ATP4B: variants seen among roughly 807,000 people sequenced by gnomAD.
The protein encoded by ATP4B is potassium-transporting ATPase subunit beta.
In ATP4B, 27 loss-of-function variants were observed where a neutral mutation model predicts 35.3. The ratio of observed to expected loss-of-function variants is 0.76; its 90% CI spans 0.56 to 1.05. The LOEUF (loss-of-function observed/expected upper bound fraction) is 1.05, where lower values mean the gene tolerates loss of function less well. ATP4B is among the 50% of genes least tolerant of loss of function. The pLI is 0.00. For synonymous variants in ATP4B, 162 were observed against 156.0 expected, an observed-to-expected ratio of 1.04 and a Z score of -0.29; for missense variants, 375 against 384.8, an observed-to-expected ratio of 0.97 and a Z score of 0.21.
At chr13:113,657,142 C>A (rs2049761183) in intron 1 of ATP4B, among the ~76,000 whole-genome samples, 2 of 152,142 alleles carry the variant, frequency 1.3e-5, no homozygotes. Flanking sequence ...GCATTCCCAG[C>A]ACGTCTCAGC....
At chr13:113,653,186 G>C in intron 3 of ATP4B, 114 bp from the exon 4 acceptor site, 1 of 1,416,476 alleles carries the variant, frequency 7.1e-7, no homozygotes, top group South Asian at 1.3e-5. Context: ...AGAAAAGGCC[G>C]AAGCTGTGGA....
chr13:113,651,107 G>GA (rs1263335788), intron 5 of ATP4B, among the ~76,000 whole-genome samples: 1 of 151,920 alleles, frequency 6.6e-6, no homozygotes, highest in Non-Finnish European at 1.5e-5. Context: ...ACCCTAGTGG[G>GA]AAGGCTCCAC....
At position 113,658,182 on chromosome 13, in the gene ATP4B, C is replaced by T. The variant is rs1225177644; in HGVS notation, c.-38G>A. ...GAGATCCTCCCGTCTGCTCCCTGCA[C>T]CCTCTACGCCCAGACTGAGGCCAGA... is the stretch of plus-strand genomic sequence containing the variant. On this transcript the variant is annotated 5_prime_UTR_variant, in exon 1 of 7. In the 5' UTR this introduces an upstream ATG that the reference lacks. Coordinates refer to ENST00000335288, the MANE Select transcript of ATP4B (RefSeq NM_000705.4). 8.3e-6 allele frequency: 13 copies of T among 1,572,906 alleles called. No homozygotes were observed. The highest frequency in any genetic ancestry group is 1.1e-5 in the Non-Finnish European group (13 of 1,154,252).
intron 2 of ATP4B, 71 bp downstream of exon 2, chr13:113,654,743 G>C: frequency 1.3e-6 from 2 of 1,545,152 alleles, no homozygotes; most frequent in South Asian, 1.2e-5. Context: ...GGTCCCCCGG[G>C]CGTCTCCAGA....
chr13:113,652,577 G>T (rs1236776712), intron 4 of ATP4B: 4 of 465,070 alleles, frequency 8.6e-6, no homozygotes, highest in Non-Finnish European at 1.2e-5. Context: ...CCTGGCCCTG[G>T]CATCTCTGGC....
Position 113,649,853 on chromosome 13 carries a change from T to A in ATP4B, c.715-318A>T, listed in dbSNP as rs1290116746. On this transcript the variant is annotated intron_variant, in intron 6 of 6. Coordinates refer to ENST00000335288, the MANE Select transcript of ATP4B (RefSeq NM_000705.4). This position sits in a 1 kb window ranked among gnomAD's most constrained non-coding sequence, Gnocchi z 4.7. Reference sequence around the variant, plus strand: ...TCTTCGAAGTGGATATGCAGTTGTTTTAGAGGATCTGGGAAGTAGAAAAAT... The same window carrying A: ...TCTTCGAAGTGGATATGCAGTTGTTATAGAGGATCTGGGAAGTAGAAAAAT... 3.3e-5 allele frequency among the ~76,000 whole-genome samples: 5 copies of A among 152,150 alleles called. No individual in the cohort carries two copies. The highest frequency in any genetic ancestry group is 4.8e-5 in the African/African-American group (2 of 41,438).
rs776675253 is a variant in ATP4B at position 113,652,933 on chromosome 13, C to T, written c.495G>A (p.Leu165=). ...CTTCAAAGCCGAAGTTGGGATCCGC[C>T]AGGCCTGAGCAGTTCTGCAGCATAT... ...TADMLQNCSG[L]ADPNFGFEEG... Residue 165 remains leucine (L), a synonymous_variant, in exon 4 of 7, where the codon CTG becomes CTA. Coordinates refer to ENST00000335288, the MANE Select transcript of ATP4B (RefSeq NM_000705.4). 1.2e-6 allele frequency: 2 copies of T among 1,614,222 alleles called. No homozygotes were observed. Among genetic ancestry groups the T allele is most frequent in the Admixed American group, 1.7e-5 (1 of 60,034 alleles).
intron 2 of ATP4B, 74 bp downstream of exon 2, chr13:113,654,740 C>G (rs916355058): frequency 2.0e-6 from 3 of 1,534,358 alleles, no homozygotes; most frequent in Non-Finnish European, 2.6e-6. Flanking sequence ...ACGGGTCCCC[C>G]GGGCGTCTCC....
At chr13:113,653,481 A>G (rs1190847438) in intron 2 of ATP4B, 47 bp from the exon 3 acceptor site, 5 of 1,546,092 alleles carry the variant, frequency 3.2e-6, no homozygotes, top group African/African-American at 1.4e-5. Context: ...TGCTCACCAC[A>G]TTTAAGCCAT....
chr13:113,649,812 G>A lies in ATP4B; in HGVS notation c.715-277C>T, dbSNP rs908601150. On this transcript the variant is annotated intron_variant, in intron 6 of 6. Coordinates refer to ENST00000335288, the MANE Select transcript of ATP4B (RefSeq NM_000705.4). This position sits in a 1 kb window ranked among gnomAD's most constrained non-coding sequence, Gnocchi z 4.7. Reference sequence around the variant, plus strand: ...CGTAAAAATGAAACAGGAAAAGCACGTGATGTGGAGGAAAGTCTTCGAAGT... The same window carrying A: ...CGTAAAAATGAAACAGGAAAAGCACATGATGTGGAGGAAAGTCTTCGAAGT... Among the ~76,000 whole-genome samples the A allele has an allele frequency of 8.5e-5, 13 of 152,308 alleles. No homozygotes were observed. The South Asian group carries it at 1.9e-3, about 22-fold the overall frequency.
At chr13:113,656,670 C>A (rs550532856) in intron 1 of ATP4B, among the ~76,000 whole-genome samples, 1 of 152,202 alleles carries the variant, frequency 6.6e-6, no homozygotes, top group East Asian at 1.9e-4. Flanking sequence ...GTAAGAATAA[C>A]GTGTCCTATT....
chr13:113,653,717 G>C (rs977309396), intron 2 of ATP4B, among the ~76,000 whole-genome samples: 1 of 152,230 alleles, frequency 6.6e-6, no homozygotes, highest in African/African-American at 2.4e-5. Flanking sequence ...TCTGTGACAG[G>C]TGATGACTAA....
intron 1 of ATP4B, among the ~76,000 whole-genome samples, chr13:113,656,257 G>C (rs776885556): frequency 1.1e-4 from 17 of 152,150 alleles, no homozygotes; most frequent in Non-Finnish European, 1.9e-4. Flanking sequence ...TGACTTGGCC[G>C]CCTGTCCCCC....
chr13:113,655,214 G>A (rs1213429015), intron 1 of ATP4B, among the ~76,000 whole-genome samples: 2 of 152,208 alleles, frequency 1.3e-5, no homozygotes, highest in Non-Finnish European at 2.9e-5. Flanking sequence ...GCACCCAGCT[G>A]CCTTCACTCC....
rs147966257 is a variant in ATP4B, at chr13:113,653,418, C to A, written c.258G>T (p.Pro86=). Residue 86 remains proline (P), a synonymous_variant, in exon 3 of 7, where the codon CCG becomes CCT. Transcript: ENST00000335288. ...QLRSPGVTLR[P]DVYGEKGLEI... is the part of the protein sequence containing the mutation. ...CCAGGCCTTTCTCCCCGTAAACATC[C>A]GGCCTTAAGGTTACCCCTGGAGAGA... is the stretch of plus-strand genomic sequence containing the variant. 1.2e-5 allele frequency: 20 copies of A among 1,614,196 alleles called. No homozygotes were observed. In the South Asian group the frequency reaches 1.9e-4, roughly 15 times the overall value.
At chr13:113,654,294 C>G (rs2049736262) in intron 2 of ATP4B, among the ~76,000 whole-genome samples, 1 of 152,222 alleles carries the variant, frequency 6.6e-6, no homozygotes, top group Non-Finnish European at 1.5e-5. Flanking sequence ...GCTCTGCACA[C>G]CGATGGGGAC....
Position 113,652,936 on chromosome 13 carries a change from G to A in ATP4B, c.492C>T (p.Gly164=). ...CAAAGCCGAAGTTGGGATCCGCCAG[G>A]CCTGAGCAGTTCTGCAGCATATCTG... ...FTADMLQNCS[G]LADPNFGFEE... is the part of the protein sequence containing the mutation. Residue 164 remains glycine, a synonymous_variant, in exon 4 of 7, where the codon GGC becomes GGT. Coordinates refer to ENST00000335288, the MANE Select transcript of ATP4B (RefSeq NM_000705.4). 1 of 1,614,236 alleles carries A rather than the reference G, an allele frequency of 6.2e-7. No individual in the cohort carries two copies.
At chr13:113,651,068 G>T (rs989590824) in intron 5 of ATP4B, among the ~76,000 whole-genome samples, 3 of 152,040 alleles carry the variant, frequency 2.0e-5, no homozygotes, top group African/African-American at 7.2e-5. Flanking sequence ...GAGAGTGGAG[G>T]CTTCGAGGGA....
In ATP4B at chr13:113,650,478, C is replaced by T. The variant is rs1193167767; in HGVS notation, c.642G>A (p.Leu214=). The T allele has an allele frequency of 6.2e-7, 1 of 1,613,700 alleles. No individual in the cohort carries two copies. The highest frequency in any genetic ancestry group is 1.3e-5 in the African/African-American group (1 of 74,932). ...LDQPRELGQP[L]QVKYYPPNGT... ...CGTTGGGAGGGTAGTACTTGACCTG[C>T]AGCGGCTGGCCGAGCTCGCGGGGCT... The change falls in exon 6 of 7, where the codon CTG becomes CTA. Residue 214 remains leucine (L), a synonymous_variant. Transcript: ENST00000335288. This position sits in a 1 kb window ranked among gnomAD's most constrained non-coding sequence, Gnocchi z 5.0.
Sources: gnomAD v4.1 joint callset for allele counts (sites outside exome capture counted in the v4.1 genomes callset) on GRCh38, gnomAD v4.1.1 for gene constraint, Gnocchi (gnomAD v3.1) non-coding constraint, MANE v1.5 for transcripts, NCBI Gene and HGNC (gene_info 2026-07-23, HGNC 2026-07-21) for gene names.